CACNA1C: variants seen among roughly 807,000 people sequenced by gnomAD.
CACNA1C encodes the protein calcium voltage-gated channel subunit alpha1 C.
Under a neutral mutation model 229.0 loss-of-function variants are expected in CACNA1C, and 30 were observed. The ratio of observed to expected loss-of-function variants is 0.13; its 90% CI spans 0.10 to 0.18. The LOEUF is 0.18. Among genes scored for constraint, CACNA1C ranks in the 10% least tolerant of loss-of-function variants. CACNA1C has a pLI of 1.00. For synonymous variants in CACNA1C, 1,114 were observed against 1,132.5 expected, an observed-to-expected ratio of 0.98 and a Z score of 0.33; for missense variants, 1,658 against 2,845.0, an observed-to-expected ratio of 0.58 and a Z score of 9.49.
Position 2,550,129 on chromosome 12 carries a change from G to A in CACNA1C, c.1481+96G>A, listed in dbSNP as rs898427384. On this transcript the variant is annotated intron_variant, in intron 10 of 46. Transcript: ENST00000399655. The stretch of plus-strand genomic sequence containing the variant: ...ATCACAGTGGGCTGGCTCATCACTA[G>A]GAAGGGCAGAGATTAGAGCCGGTGG... 6.8e-6 allele frequency: 6 copies of A among 885,752 alleles called. No individual in the cohort carries two copies. The African/African-American group carries it at 8.2e-5, about 12-fold the overall frequency. The allele number at this position is 885,752 out of a possible 1,614,324, so 54.9% of individuals were successfully genotyped here.
chr12:2,659,896 C>T (rs2095617997), intron 34 of CACNA1C: 1 of 158,516 alleles, frequency 6.3e-6, no homozygotes, highest in Non-Finnish European at 1.4e-5. Flanking sequence ...AATTTCATGC[C>T]TCTGTTTTGT....
intron 1 of CACNA1C, among the ~76,000 whole-genome samples, chr12:2,011,726 C>A (rs1412629171): frequency 6.6e-6 from 1 of 152,170 alleles, no homozygotes; most frequent in Non-Finnish European, 1.5e-5. Context: ...GACTTTTTAA[C>A]GTTAAATCAA....
intron 3 of CACNA1C, among the ~76,000 whole-genome samples, chr12:2,351,009 C>T (rs2097187380): frequency 6.6e-6 from 1 of 152,260 alleles, no homozygotes; most frequent in South Asian, 2.1e-4. Context: ...GCCACTGGCC[C>T]TAGCCAGGCC....
chr12:2,143,314 T>C (rs1011377677), intron 3 of CACNA1C, among the ~76,000 whole-genome samples: 5 of 151,010 alleles, frequency 3.3e-5, no homozygotes, highest in African/African-American at 1.2e-4. Flanking sequence ...TGCACAATGT[T>C]TGTAAAGTCG....
In CACNA1C at chr12:2,491,814, C is replaced by T. The variant is rs377265460; in HGVS notation, c.917-1376C>T. 1.1e-4 allele frequency among the ~76,000 whole-genome samples: 17 copies of T among 152,216 alleles called. No individual in the cohort carries two copies. In the South Asian group the frequency reaches 3.3e-3, roughly 30 times the overall value. On this transcript the variant is annotated intron_variant, in intron 6 of 46. Transcript: ENST00000399655. ...TGAACAGTTTCAGATTTAAAGCCAC[C>T]GACTGAGAATCAGCCCACCGGCCAG...
rs531921991 is a variant in CACNA1C at position 2,147,949 on chromosome 12, A to G, written c.477+27519A>G. On this transcript the variant is annotated intron_variant, in intron 3 of 46. Transcript: ENST00000399655. ...CATCAGTACATCTGGTAACAGGAGG[A>G]TGCTAGGAATGGGAATACAGAATAT... Among the ~76,000 whole-genome samples, 12 of 151,388 alleles carry G rather than the reference A, an allele frequency of 7.9e-5. No individual in the cohort carries two copies. The East Asian group carries it at 9.6e-4, about 12-fold the overall frequency.
intron 3 of CACNA1C, among the ~76,000 whole-genome samples, chr12:2,325,804 A>G (rs889998617): frequency 6.6e-6 from 1 of 152,232 alleles, no homozygotes; most frequent in African/African-American, 2.4e-5. Flanking sequence ...ACCTTTCGTG[A>G]AGGGACACTC....
At chr12:2,456,188 C>T (rs2099417042) in intron 4 of CACNA1C, among the ~76,000 whole-genome samples, 1 of 152,226 alleles carries the variant, frequency 6.6e-6, no homozygotes, top group African/African-American at 2.4e-5. Context: ...CTCTTTCTCA[C>T]ACCTCACATC....
chr12:2,060,393 C>T (rs1356392568), intron 1 of CACNA1C, among the ~76,000 whole-genome samples: 1 of 152,204 alleles, frequency 6.6e-6, no homozygotes, highest in Non-Finnish European at 1.5e-5. Context: ...GCTCCCATGT[C>T]AGGGTTGGTC....
intron 1 of CACNA1C, among the ~76,000 whole-genome samples, chr12:1,975,981 A>G (rs1459020713): frequency 3.9e-5 from 6 of 152,192 alleles, no homozygotes; most frequent in Admixed American, 2.6e-4. Flanking sequence ...TCAAGGAACT[A>G]TCTGGTGTCA....
intron 3 of CACNA1C, among the ~76,000 whole-genome samples, chr12:2,253,321 T>C (rs1045021163): frequency 6.6e-6 from 1 of 152,242 alleles, no homozygotes; most frequent in Non-Finnish European, 1.5e-5. Context: ...AATCAAGCTT[T>C]TGGTTTGATT....
chr12:2,090,386 C>T (rs1037458192), intron 1 of CACNA1C, among the ~76,000 whole-genome samples: 8 of 128,678 alleles, frequency 6.2e-5, no homozygotes, highest in East Asian at 4.8e-4. Flanking sequence ...GGCATGATCT[C>T]GGCTCACTGC....
At chr12:2,391,917 T>C (rs1181876675) in intron 3 of CACNA1C, among the ~76,000 whole-genome samples, 1 of 152,238 alleles carries the variant, frequency 6.6e-6, no homozygotes, top group African/African-American at 2.4e-5. Flanking sequence ...AGCTGCCACG[T>C]GGCTGGTGGC....
At chr12:2,652,659 G>A (rs1339640921) in intron 32 of CACNA1C, among the ~76,000 whole-genome samples, 1 of 152,204 alleles carries the variant, frequency 6.6e-6, no homozygotes, top group Non-Finnish European at 1.5e-5. Context: ...GCCCGTCCCC[G>A]CTCTGCCCCC....
At chr12:2,629,476 G>A (rs1446984605) in intron 29 of CACNA1C, among the ~76,000 whole-genome samples, 1 of 152,216 alleles carries the variant, frequency 6.6e-6, no homozygotes, top group Non-Finnish European at 1.5e-5. Flanking sequence ...CCTTGTGGAT[G>A]GGAGCAGAAG....
At chr12:2,169,293 A>G (rs957898228) in intron 3 of CACNA1C, among the ~76,000 whole-genome samples, 2 of 152,132 alleles carry the variant, frequency 1.3e-5, no homozygotes, top group African/African-American at 4.8e-5. Context: ...ATGTCATTTT[A>G]CTCAGAGCTG....
chr12:2,522,254 G>A (rs2099811459), intron 9 of CACNA1C, among the ~76,000 whole-genome samples: 2 of 152,306 alleles, frequency 1.3e-5, no homozygotes, highest in South Asian at 4.2e-4. Flanking sequence ...GAAAGCTCTT[G>A]GGAGGCAGCA....
chr12:2,462,624 G>C (rs538869460), intron 5 of CACNA1C, among the ~76,000 whole-genome samples: 1 of 152,194 alleles, frequency 6.6e-6, no homozygotes, highest in African/African-American at 2.4e-5. Context: ...TTACACGGAC[G>C]CCCATGGCGG....
intron 8 of CACNA1C, among the ~76,000 whole-genome samples, chr12:2,507,816 T>C: frequency 6.6e-6 from 1 of 152,324 alleles, no homozygotes; most frequent in South Asian, 2.1e-4. Flanking sequence ...GCCCAAGCGA[T>C]GTGAATCCAT....
Sources: allele counts gnomAD v4.1 joint callset (sites outside exome capture counted in the v4.1 genomes callset), GRCh38; gene constraint gnomAD v4.1.1; transcripts MANE v1.5; gene names NCBI Gene and HGNC (gene_info 2026-07-23, HGNC 2026-07-21).